The following GABRG3 variants were observed in gnomAD, a reference collection of about 807,000 sequenced individuals.
GABRG3 encodes gamma-aminobutyric acid receptor subunit gamma-3.
In GABRG3, 25 loss-of-function variants were observed where a neutral mutation model predicts 48.8. The ratio of observed to expected loss-of-function variants is 0.51; its 90% CI spans 0.37 to 0.72. The LOEUF (loss-of-function observed/expected upper bound fraction) is 0.72, where lower values mean the gene tolerates loss of function less well. Ranked by LOEUF, GABRG3 falls within the 30% of genes least tolerant of loss-of-function variation. GABRG3 has a pLI of 0.00. For missense variants in GABRG3, 394 were observed against 577.9 expected (o/e 0.68, Z 3.26); for synonymous variants, 227 against 217.6 (o/e 1.04, Z -0.38).
chr15:27,366,480 A>T (rs553399700), intron 5 of GABRG3: 17 of 152,302 alleles, frequency 1.1e-4, no homozygotes, highest in African/African-American at 3.8e-4. Context: ...CAGGCCTTTG[A>T]TCGCCAGTAA....
intron 5 of GABRG3, among the ~76,000 whole-genome samples, chr15:27,360,345 C>G (rs922152181): frequency 2.0e-5 from 3 of 152,124 alleles, no homozygotes; most frequent in Non-Finnish European, 2.9e-5. Flanking sequence ...GGCCGCGACC[C>G]CGGCCTGTGT....
intron 3 of GABRG3, among the ~76,000 whole-genome samples, chr15:27,099,283 G>A (rs977986769): frequency 7.2e-5 from 11 of 152,092 alleles, no homozygotes; most frequent in African/African-American, 2.7e-4. Flanking sequence ...TACTTGCTTG[G>A]GCTGCCATAA....
chr15:27,219,902 C>T (rs375741105), intron 3 of GABRG3, among the ~76,000 whole-genome samples: 2 of 152,318 alleles, frequency 1.3e-5, no homozygotes, highest in South Asian at 2.1e-4. Context: ...ATAAGAACGA[C>T]TCCTTATTCT....
chr15:27,051,262 A>G (rs1896451136), intron 3 of GABRG3, among the ~76,000 whole-genome samples: 1 of 152,330 alleles, frequency 6.6e-6, no homozygotes, highest in Non-Finnish European at 1.5e-5. Flanking sequence ...TTAGAATCTC[A>G]GAAGAAATGC....
intron 5 of GABRG3, among the ~76,000 whole-genome samples, chr15:27,351,098 T>G (rs1286415443): frequency 2.7e-5 from 4 of 148,462 alleles, no homozygotes; most frequent in African/African-American, 1.0e-4. Flanking sequence ...GTGTGTATGG[T>G]GTGTGTGTAT....
chr15:27,356,487 A>G (rs947860375), intron 5 of GABRG3, among the ~76,000 whole-genome samples: 4 of 152,170 alleles, frequency 2.6e-5, no homozygotes, highest in Non-Finnish European at 4.4e-5. Context: ...CTTCAGACTA[A>G]TCTCCATCTT....
chr15:27,063,310 G>C (rs1453133294), intron 3 of GABRG3, among the ~76,000 whole-genome samples: 1 of 152,198 alleles, frequency 6.6e-6, no homozygotes, highest in East Asian at 1.9e-4. Flanking sequence ...AAACCTTGTG[G>C]AGTGCCTGAT....
At chr15:27,362,190 GA>G (rs1437400334) in intron 5 of GABRG3, 2 of 152,206 alleles carry the variant, frequency 1.3e-5, no homozygotes, top group Non-Finnish European at 2.9e-5. Context: ...TAAAATGTAT[GA>G]AAAGAATGTT....
At chr15:27,111,552 G>A (rs949191924) in intron 3 of GABRG3, among the ~76,000 whole-genome samples, 3 of 152,146 alleles carry the variant, frequency 2.0e-5, no homozygotes, top group African/African-American at 7.2e-5. Context: ...TGTTTCTTGT[G>A]TGTTGTATCT....
At chr15:27,041,341 C>T (rs1341824713) in intron 3 of GABRG3, among the ~76,000 whole-genome samples, 1 of 152,102 alleles carries the variant, frequency 6.6e-6, no homozygotes, top group African/African-American at 2.4e-5. Flanking sequence ...CACCACCATT[C>T]TCAGCTAATT....
intron 3 of GABRG3, among the ~76,000 whole-genome samples, chr15:27,031,024 A>G (rs746592209): frequency 5.3e-5 from 8 of 151,616 alleles, no homozygotes; most frequent in Non-Finnish European, 1.0e-4. Context: ...TTGAGCAGAA[A>G]GTAGAGTTCC....
Position 26,977,041 on chromosome 15 carries a change from A to T in GABRG3, c.93A>T (p.Ser31=), listed in dbSNP as rs778763074. The T allele has an allele frequency of 1.7e-5, 27 of 1,613,870 alleles. No homozygotes were observed. The highest frequency in any genetic ancestry group is 2.3e-5 in the Non-Finnish European group (27 of 1,179,864). The part of the protein sequence containing the change: ...KVEEDEYEDS[S]SNQKWVLAPK... ...AAGAGGATGAATATGAAGATTCATC[A>T]TCAAACCAAAAGTGGGTCTTGGCTC... The change falls in exon 2 of 10, where the codon TCA becomes TCT. Residue 31 remains serine (S), a synonymous_variant. Transcript: ENST00000615808.
At chr15:27,265,390 G>A (rs10152135) in intron 3 of GABRG3, among the ~76,000 whole-genome samples, 22 of 151,916 alleles carry the variant, frequency 1.4e-4, no homozygotes, top group Non-Finnish European at 2.8e-4. Context: ...AAAAACACCC[G>A]TCTATGCAAA....
intron 3 of GABRG3, among the ~76,000 whole-genome samples, chr15:27,094,014 G>C (rs1224693851): frequency 6.6e-6 from 1 of 152,188 alleles, no homozygotes; most frequent in Non-Finnish European, 1.5e-5. Flanking sequence ...TCTGACACCT[G>C]ATGTTGGTTT....
At chr15:27,285,254 GGTGTGTGTGTGTGTGTGTGTGT>G (rs60880658) in intron 3 of GABRG3, among the ~76,000 whole-genome samples, 51 of 142,560 alleles carry the variant, frequency 3.6e-4, no homozygotes, top group African/African-American at 1.2e-3. Flanking sequence ...TGAGCTTTCA[GGTGTGTGTGTGTGTGTGTGTGT>G]GTGTGTGTGT....
intron 3 of GABRG3, among the ~76,000 whole-genome samples, chr15:27,106,717 A>C (rs1897455659): frequency 6.6e-6 from 1 of 152,044 alleles, no homozygotes; most frequent in African/African-American, 2.4e-5. Flanking sequence ...GCAAATCATC[A>C]TTATTGGAAT....
intron 3 of GABRG3, among the ~76,000 whole-genome samples, chr15:27,044,210 G>A (rs899472014): frequency 6.6e-6 from 1 of 152,170 alleles, no homozygotes; most frequent in Non-Finnish European, 1.5e-5. Context: ...TATACTCAAA[G>A]CCTGAATGTC....
At chr15:26,997,360 C>CT (rs1409154304) in intron 2 of GABRG3, among the ~76,000 whole-genome samples, 1 of 152,036 alleles carries the variant, frequency 6.6e-6, no homozygotes, top group African/African-American at 2.4e-5. Context: ...GCCTGCTGTT[C>CT]TTTTTTTCCT....
chr15:27,306,421 A>C lies in GABRG3; in HGVS notation c.271-20388A>C, dbSNP rs940372091. ...ATATATATAATATAAACATGTCTAC[A>C]TGTAAACATATAATACGAACATATG... On this transcript the variant is annotated intron_variant, in intron 3 of 9. Transcript: ENST00000615808. 2.1e-5 allele frequency among the ~76,000 whole-genome samples: 3 copies of C among 140,258 alleles called. 1 individual carries two copies. The highest frequency in any genetic ancestry group is 1.5e-4 in the Admixed American group (2 of 13,396). 92.0% of individuals were successfully genotyped at this position (140,258 alleles called of 152,430 possible).
Sources: allele counts gnomAD v4.1 joint callset (sites outside exome capture counted in the v4.1 genomes callset), GRCh38; gene constraint gnomAD v4.1.1; transcripts MANE v1.5; gene names NCBI Gene and HGNC (gene_info 2026-07-23, HGNC 2026-07-21).